The following FAM53A variants were observed in gnomAD, a reference collection of about 807,000 sequenced individuals.
FAM53A encodes family with sequence similarity 53 member A.
A neutral mutation model predicts 26.6 loss-of-function variants in FAM53A; 28 were observed. That is an observed-to-expected ratio of 1.05 (90% CI 0.78 to 1.45). The LOEUF is 1.45. Ranked by LOEUF, FAM53A falls within the 40% of genes most tolerant of loss-of-function variation. The pLI is 0.00. For synonymous variants in FAM53A, 290 were observed against 253.1 expected (o/e 1.15, Z -1.38); for missense variants, 650 against 575.8 (o/e 1.13, Z -1.32).
intron 4 of FAM53A, among the ~76,000 whole-genome samples, chr4:1,646,775 ACTC>A (rs765731530): frequency 5.6e-4 from 85 of 151,982 alleles, no homozygotes; most frequent in Non-Finnish European, 1.1e-3. Context: ...TGTCTGAAGA[ACTC>A]CTCAGGCTCT....
intron 2 of FAM53A, among the ~76,000 whole-genome samples, chr4:1,660,579 C>G (rs1185265776): frequency 6.6e-6 from 1 of 151,780 alleles, no homozygotes; most frequent in Non-Finnish European, 1.5e-5. Flanking sequence ...ACAGCAAGAC[C>G]CTGTCTTTAA....
At chr4:1,607,041 C>T in the FAM53A span, among the ~76,000 whole-genome samples, 3 of 152,164 alleles carry the variant, frequency 2.0e-5, no homozygotes, top group Non-Finnish European at 4.4e-5. Flanking sequence ...TCTTTTGAGA[C>T]GGAGTCTCAC....
the FAM53A span, among the ~76,000 whole-genome samples, chr4:1,605,528 G>C: frequency 6.6e-6 from 1 of 152,174 alleles, no homozygotes; most frequent in Non-Finnish European, 1.5e-5. The surrounding 1 kb of genome is among the most constrained non-coding windows in gnomAD (Gnocchi z 5.7). Context: ...AGGGGACGAC[G>C]CGCAACCACT....
chr4:1,671,059 C>A (rs1714607434), intron 1 of FAM53A, among the ~76,000 whole-genome samples: 1 of 148,726 alleles, frequency 6.7e-6, no homozygotes, highest in Non-Finnish European at 1.5e-5. Context: ...AGCGTCAGAG[C>A]CACCAGCTCA....
chr4:1,620,699 ACACCAC>A lies in FAM53A; in HGVS notation c.432-2594_432-2589del, dbSNP rs60242901. Among the ~76,000 whole-genome samples the A allele has an allele frequency of 4.7e-5, 7 of 150,484 alleles. 1 individual carries two copies. Among genetic ancestry groups the A allele is most frequent in the East Asian group, 2.0e-4 (1 of 5,116 alleles). On this transcript the variant is annotated intron_variant, in intron 1 of 1. Transcript: ENST00000489029. Reference sequence around the variant, plus strand: ...AAAAAGAAAAAGAAAGAAAGAAAAAACACCACCACCACCACCACCACCAAAAACAAA... The same window carrying A: ...AAAAAGAAAAAGAAAGAAAGAAAAAACACCACCACCACCACCAAAAACAAA...
At chr4:1,648,916 C>T (rs1284961601) in intron 4 of FAM53A, among the ~76,000 whole-genome samples, 2 of 152,170 alleles carry the variant, frequency 1.3e-5, no homozygotes, top group Non-Finnish European at 2.9e-5. Context: ...AGTTCAAGAC[C>T]AGCCTGGCCA....
chr4:1,626,714 T>C (rs1715324346), intron 1 of FAM53A, among the ~76,000 whole-genome samples: 1 of 150,432 alleles, frequency 6.6e-6, no homozygotes, highest in South Asian at 2.1e-4. Context: ...TCAGCCACAG[T>C]GATGTTTTGA....
chr4:1,612,083 A>C, the FAM53A span, among the ~76,000 whole-genome samples: 11,031 of 152,224 alleles, frequency 0.072, 1,380 homozygotes, highest in African/African-American at 0.25. Context: ...TTGGCTGATG[A>C]ATTGAATGGG....
intron 1 of FAM53A, among the ~76,000 whole-genome samples, chr4:1,626,278 A>G (rs1715298877): frequency 6.6e-6 from 1 of 152,214 alleles, no homozygotes; most frequent in Non-Finnish European, 1.5e-5. Context: ...TGCATGGAGC[A>G]TGAACAGACG....
At chr4:1,678,835 G>A (rs114862974) in intron 1 of FAM53A, among the ~76,000 whole-genome samples, 2,273 of 151,928 alleles carry the variant, frequency 0.015, 59 homozygotes, top group African/African-American at 0.051. Flanking sequence ...AAAAAGACAT[G>A]GAGTGTATGG....
chr4:1,649,244 G>A (rs1035826366), intron 4 of FAM53A, among the ~76,000 whole-genome samples: 1 of 151,830 alleles, frequency 6.6e-6, no homozygotes, highest in Non-Finnish European at 1.5e-5. Flanking sequence ...GGAAAGAAAA[G>A]GAAAGAGAAA....
the FAM53A span, among the ~76,000 whole-genome samples, chr4:1,589,233 G>C: frequency 6.6e-6 from 1 of 152,194 alleles, no homozygotes; most frequent in Non-Finnish European, 1.5e-5. Context: ...AATCTGTACA[G>C]ATAATCATGC....
chr4:1,644,086 T>G, intron 4 of FAM53A: 1 of 1,440,896 alleles, frequency 6.9e-7, no homozygotes. Context: ...ACCCGTGACC[T>G]TGCAGACTCT....
chr4:1,676,002 C>T (rs1390071263), intron 1 of FAM53A, among the ~76,000 whole-genome samples: 2 of 152,258 alleles, frequency 1.3e-5, no homozygotes, highest in African/African-American at 4.8e-5. Context: ...TCTCATTCTC[C>T]AGGACTCCAT....
the FAM53A span, among the ~76,000 whole-genome samples, chr4:1,597,035 G>A: frequency 3.7e-3 from 556 of 152,250 alleles, 6 homozygotes; most frequent in African/African-American, 0.013. Flanking sequence ...GGCCACCAAG[G>A]CTCCGAGAGG....
At chr4:1,602,812 C>T in the FAM53A span, among the ~76,000 whole-genome samples, 4 of 152,230 alleles carry the variant, frequency 2.6e-5, no homozygotes, top group African/African-American at 9.6e-5. Context: ...CACTAGGGCC[C>T]CAGGAGGGGT....
intron 1 of FAM53A, among the ~76,000 whole-genome samples, chr4:1,621,484 A>G (rs62286196): frequency 0.22 from 33,113 of 152,134 alleles, 4,304 homozygotes; most frequent in Non-Finnish European, 0.29. Context: ...ACTTAGTCAC[A>G]TGGCCACACT....
the FAM53A span, chr4:1,574,447 T>TC: frequency 1.3e-5 from 2 of 152,470 alleles, no homozygotes; most frequent in African/African-American, 4.8e-5. Context: ...GTGACTGCTC[T>TC]CCCCCGGTGC....
intron 1 of FAM53A, among the ~76,000 whole-genome samples, chr4:1,623,650 C>T (rs956662645): frequency 7.9e-5 from 12 of 152,224 alleles, no homozygotes; most frequent in Admixed American, 2.0e-4. Context: ...CGGAACACGG[C>T]GGCAGCTCAT....
Sources: allele counts gnomAD v4.1 joint callset (sites outside exome capture counted in the v4.1 genomes callset), GRCh38; gene constraint gnomAD v4.1.1; non-coding constraint Gnocchi (gnomAD v3.1); transcripts MANE v1.5; gene names NCBI Gene and HGNC (gene_info 2026-07-23, HGNC 2026-07-21).